The following ALG14 variants were observed in gnomAD, a reference collection of about 807,000 sequenced individuals.
ALG14 encodes the protein UDP-N-acetylglucosamine transferase subunit ALG14.
In ALG14, 17 loss-of-function variants were observed where a neutral mutation model predicts 22.8. The ratio of observed to expected loss-of-function variants is 0.75; its 90% CI spans 0.51 to 1.12. The LOEUF (loss-of-function observed/expected upper bound fraction) is 1.12. ALG14 is among the 50% of genes most tolerant of loss of function. ALG14 has a pLI of 0.00. For synonymous variants in ALG14, 89 were observed against 103.7 expected (o/e 0.86, Z 0.86); for missense variants, 288 against 271.8 (o/e 1.06, Z -0.42).
intron 2 of ALG14, among the ~76,000 whole-genome samples, chr1:95,064,644 G>A (rs1675290980): frequency 2.0e-5 from 3 of 152,166 alleles, no homozygotes. Context: ...CTTGATCATG[G>A]TGGATAAACT....
chr1:95,001,742 C>T (rs559980685), intron 3 of ALG14, among the ~76,000 whole-genome samples: 3 of 152,288 alleles, frequency 2.0e-5, no homozygotes, highest in East Asian at 1.9e-4. Context: ...GTGATCCACC[C>T]GCCTTGGCCT....
chr1:95,008,527 T>C (rs767453444), intron 3 of ALG14, among the ~76,000 whole-genome samples: 18 of 152,206 alleles, frequency 1.2e-4, no homozygotes, highest in Non-Finnish European at 2.5e-4. Context: ...AGCTTTAGTA[T>C]GATAATACTA....
intron 3 of ALG14, among the ~76,000 whole-genome samples, chr1:95,012,249 A>G (rs1041239903): frequency 2.0e-5 from 3 of 152,252 alleles, no homozygotes; most frequent in Admixed American, 2.0e-4. Flanking sequence ...ATGGACTAAT[A>G]CAAAAGTAAA....
intron 3 of ALG14, among the ~76,000 whole-genome samples, chr1:95,003,859 G>C (rs1261415894): frequency 2.0e-5 from 3 of 152,048 alleles, no homozygotes; most frequent in Non-Finnish European, 4.4e-5. Flanking sequence ...GACAAAATTA[G>C]CTATAATTTC....
At chr1:94,983,801 G>C (rs931943491) in intron 3 of ALG14, among the ~76,000 whole-genome samples, 2 of 151,790 alleles carry the variant, frequency 1.3e-5, no homozygotes, top group African/African-American at 4.8e-5. Flanking sequence ...GAGTGCAGTG[G>C]CGTGATCTCG....
chr1:95,067,033 TA>T (rs1301987998), intron 1 of ALG14: 1 of 152,220 alleles, frequency 6.6e-6, no homozygotes, highest in African/African-American at 2.4e-5. Context: ...TTTTTATTTT[TA>T]TTTTTTAAGG....
At chr1:95,049,484 G>T (rs1674672512) in intron 2 of ALG14, among the ~76,000 whole-genome samples, 1 of 151,922 alleles carries the variant, frequency 6.6e-6, no homozygotes, top group South Asian at 2.1e-4. Flanking sequence ...GCAGTGAGTC[G>T]AGATCGCACC....
Position 95,064,963 on chromosome 1 carries a change from G to C in ALG14, c.191C>G (p.Ser64Ter). The C allele has an allele frequency of 6.2e-7, 1 of 1,613,754 alleles. No individual in the cohort carries two copies. The highest frequency in any genetic ancestry group is 8.5e-7 in the Non-Finnish European group (1 of 1,179,788). The stretch of plus-strand genomic sequence containing the variant: ...GTCAGCAATGACATAATGTCTAGGT[G>C]AGTAGGCATTGGACAAGCTCCCAAG... The part of the protein sequence containing the change: ...RLLGSLSNAY[S>*]PRHYVIADTD... Residue 64 changes from serine to a stop codon, truncating the protein, a stop_gained, in exon 2 of 4, where the codon TCA becomes TGA. Coordinates refer to ENST00000370205, the MANE Select transcript of ALG14 (RefSeq NM_144988.4). LOFTEE classifies it high-confidence loss of function.
In ALG14 at chr1:95,044,866, C is replaced by A. The variant is rs539459390; in HGVS notation, c.289-17606G>T. Among the ~76,000 whole-genome samples the A allele has an allele frequency of 1.8e-4, 28 of 151,582 alleles. No homozygotes were observed. In the South Asian group the frequency reaches 4.6e-3, roughly 25 times the overall value. ...AAGCAAATATTTATTGCTGAATAAA[C>A]AAAGTATTTTTTTTTTAAAAAAAGC... On this transcript the variant is annotated intron_variant, in intron 2 of 3. Transcript: ENST00000370205.
At chr1:95,034,916 C>A (rs1321126508) in intron 2 of ALG14, among the ~76,000 whole-genome samples, 1 of 152,176 alleles carries the variant, frequency 6.6e-6, no homozygotes, top group East Asian at 1.9e-4. Flanking sequence ...CTCTCTTTGC[C>A]CTCTGTGCCC....
chr1:95,070,758 C>G (rs1475728125), intron 1 of ALG14, among the ~76,000 whole-genome samples: 2 of 152,090 alleles, frequency 1.3e-5, no homozygotes, highest in African/African-American at 4.8e-5. Flanking sequence ...CATTTTGAGA[C>G]AGGGTCTCAC....
intron 2 of ALG14, among the ~76,000 whole-genome samples, chr1:95,060,644 A>G (rs1675113010): frequency 6.6e-6 from 1 of 151,518 alleles, no homozygotes; most frequent in Non-Finnish European, 1.5e-5. Context: ...TGAACCTGGG[A>G]GGTGGAGACT....
At chr1:95,006,072 A>G (rs943518807) in intron 3 of ALG14, among the ~76,000 whole-genome samples, 1 of 152,186 alleles carries the variant, frequency 6.6e-6, no homozygotes, top group Non-Finnish European at 1.5e-5. Context: ...GCTGTTCACC[A>G]TTTTAAAAAA....
intron 3 of ALG14, among the ~76,000 whole-genome samples, chr1:94,985,527 C>A (rs1024591500): frequency 6.6e-6 from 1 of 152,088 alleles, no homozygotes; most frequent in African/African-American, 2.4e-5. Context: ...TAATACAGAA[C>A]AAAATAAAAA....
chr1:95,026,224 ACCC>A (rs945032993), intron 3 of ALG14, among the ~76,000 whole-genome samples: 4 of 152,022 alleles, frequency 2.6e-5, no homozygotes, highest in African/African-American at 7.2e-5. Context: ...GAGCCACCGC[ACCC>A]AGCCTGGAGT....
Position 94,983,271 on chromosome 1 carries a change from G to A in ALG14, c.456C>T (p.Ile152=), listed in dbSNP as rs749328362. Residue 152 remains isoleucine (I), a synonymous_variant, in exon 4 of 4, where the codon ATC becomes ATT. Coordinates refer to ENST00000370205, the MANE Select transcript of ALG14 (RefSeq NM_144988.4). The part of the protein sequence containing the change: ...LCNGPGTCVP[I]CVSALLLGIL... ...TCCCAAGGAGAAGGGCAGATACACA[G>A]ATAGGAACACATGTTCCTGGTCCGT... The A allele has an allele frequency of 1.2e-6, 2 of 1,614,132 alleles. No individual in the cohort carries two copies. Among genetic ancestry groups the A allele is most frequent in the South Asian group, 2.2e-5 (2 of 91,076 alleles).
At position 95,062,870 on chromosome 1, in the gene ALG14, G is replaced by A. The variant is rs138277200; in HGVS notation, c.288+1996C>T. 7.4e-3 allele frequency among the ~76,000 whole-genome samples: 1,133 copies of A among 152,266 alleles called. 15 individuals are homozygous for A. The highest frequency in any genetic ancestry group is 0.026 in the African/African-American group (1,088 of 41,552). On this transcript the variant is annotated intron_variant, in intron 2 of 3. Transcript: ENST00000370205. ...TCTGCCTCTAGATTTCTGAGGAATC[G>A]CCACACTATCTTCCACAATGGTTGA...
intron 3 of ALG14, among the ~76,000 whole-genome samples, chr1:94,995,416 G>T (rs1332556244): frequency 1.3e-5 from 2 of 152,156 alleles, no homozygotes; most frequent in Non-Finnish European, 2.9e-5. Context: ...TGTGCTTAAA[G>T]AACGTGGTAT....
At chr1:95,027,955 T>C (rs1673873621) in intron 2 of ALG14, among the ~76,000 whole-genome samples, 1 of 152,188 alleles carries the variant, frequency 6.6e-6, no homozygotes, top group Admixed American at 6.5e-5. Flanking sequence ...TATTCTCCAG[T>C]AGGGAATGGA....
Sources: gnomAD v4.1 joint callset for allele counts (sites outside exome capture counted in the v4.1 genomes callset) on GRCh38, gnomAD v4.1.1 for gene constraint, MANE v1.5 for transcripts, NCBI Gene and HGNC (gene_info 2026-07-23, HGNC 2026-07-21) for gene names.